Variants in SIRPA observed in about 807,000 individuals in gnomAD.
The protein encoded by SIRPA is signal regulatory protein alpha.
SIRPA carries 9 observed loss-of-function variants against 50.3 expected under a neutral mutation model. That is an observed-to-expected ratio of 0.18 (90% CI 0.11 to 0.31). The LOEUF (loss-of-function observed/expected upper bound fraction) is 0.31, where lower values mean the gene tolerates loss of function less well. Among genes scored for constraint, SIRPA ranks in the 10% least tolerant of loss-of-function variants. The probability of loss-of-function intolerance (pLI) is 1.00; values close to 1 mark genes in which losing one functional copy is unlikely to be tolerated. For synonymous variants in SIRPA, 265 were observed against 284.1 expected (o/e 0.93, Z 0.68); for missense variants, 474 against 661.6 (o/e 0.72, Z 3.11).
At chr20:1,895,901 G>A (rs972744228) in intron 1 of SIRPA, among the ~76,000 whole-genome samples, 2 of 152,226 alleles carry the variant, frequency 1.3e-5, no homozygotes, top group Non-Finnish European at 2.9e-5. Context: ...TGTCCCCATG[G>A]ACATACGACT....
rs1303293077 is a variant in SIRPA, at chr20:1,933,971, T to G, written c.1227-744T>G. On this transcript the variant is annotated intron_variant, in intron 6 of 7. Coordinates refer to ENST00000358771, the MANE Select transcript of SIRPA (RefSeq NM_001040023.2). This position sits in a 1 kb window ranked among gnomAD's most constrained non-coding sequence, Gnocchi z 4.4. ...ATAGATGTTTATAATACAGAACATT[T>G]GGAGAATATGGGAAACTAAAAAGGA... Among the ~76,000 whole-genome samples, 1 of 152,172 alleles carries G rather than the reference T, an allele frequency of 6.6e-6. No homozygotes were observed. Among genetic ancestry groups the G allele is most frequent in the African/African-American group, 2.4e-5 (1 of 41,426 alleles).
In SIRPA at chr20:1,933,836, C is replaced by T. The variant is rs1194833185; in HGVS notation, c.1227-879C>T. Reference sequence around the variant, plus strand: ...TTTGCTCATCACCTTGACCGTGACCCTCCAGTGAGTCAAGTCATGACCTCC... The same window carrying T: ...TTTGCTCATCACCTTGACCGTGACCTTCCAGTGAGTCAAGTCATGACCTCC... On this transcript the variant is annotated intron_variant, in intron 6 of 7. Transcript: ENST00000358771. The surrounding 1 kb of genome is among the most constrained non-coding windows in gnomAD (Gnocchi z 4.4). 6.6e-6 allele frequency among the ~76,000 whole-genome samples: 1 copy of T among 152,254 alleles called. No individual in the cohort carries two copies. The highest frequency in any genetic ancestry group is 1.5e-5 in the Non-Finnish European group (1 of 68,046).
At chr20:1,902,934 C>A (rs1984309871) in intron 1 of SIRPA, among the ~76,000 whole-genome samples, 2 of 147,524 alleles carry the variant, frequency 1.4e-5, no homozygotes, top group Non-Finnish European at 3.0e-5. Flanking sequence ...ATCGCTTGAC[C>A]CCAGGAGGCA....
chr20:1,908,599 C>G (rs1376899789), intron 1 of SIRPA, among the ~76,000 whole-genome samples: 1 of 152,162 alleles, frequency 6.6e-6, no homozygotes, highest in African/African-American at 2.4e-5. Context: ...TTGTGCCCAC[C>G]CATGTGTACA....
chr20:1,905,172 G>A (rs781051374), intron 1 of SIRPA, among the ~76,000 whole-genome samples: 16 of 152,318 alleles, frequency 1.1e-4, no homozygotes, highest in Non-Finnish European at 1.6e-4. Flanking sequence ...GTCTGCTGCC[G>A]GCAGTGTGCT....
At chr20:1,900,372 AGCCACC>A (rs1984114859) in intron 1 of SIRPA, among the ~76,000 whole-genome samples, 1 of 152,076 alleles carries the variant, frequency 6.6e-6, no homozygotes, top group Non-Finnish European at 1.5e-5. Context: ...TTACAGGCTG[AGCCACC>A]GCACCACCCA....
intron 2 of SIRPA, among the ~76,000 whole-genome samples, chr20:1,916,162 G>T (rs1049479942): frequency 6.6e-6 from 1 of 152,214 alleles, no homozygotes; most frequent in African/African-American, 2.4e-5. Context: ...TCACCCCAGG[G>T]AGGAGGTCTC....
rs1453844142 is a variant in SIRPA at position 1,939,231 on chromosome 20, T to C, written c.*1663T>C. The C allele has an allele frequency of 6.6e-6, 1 of 152,234 alleles. No homozygotes were observed. The highest frequency in any genetic ancestry group is 1.5e-5 in the Non-Finnish European group (1 of 68,040). The allele number at this position is 152,234 out of a possible 1,614,324, so 9.4% of individuals were successfully genotyped here. A position where few individuals can be genotyped will look rare whatever the true frequency, so the allele number is the denominator to read the frequency against. ...CGCTAATGTTCATGACTCCTGGCCT[T>C]GGGATGCCCAAGGGATTTCTGGCTC... On this transcript the variant is annotated 3_prime_UTR_variant, in exon 8 of 8. Transcript: ENST00000358771. The surrounding 1 kb of genome is among the most constrained non-coding windows in gnomAD (Gnocchi z 4.7).
chr20:1,899,205 TAA>T (rs750144272), intron 1 of SIRPA, among the ~76,000 whole-genome samples: 3 of 141,668 alleles, frequency 2.1e-5, no homozygotes, highest in African/African-American at 5.2e-5. Context: ...AAGTTTTCTT[TAA>T]AAAAAAAAAA....
At chr20:1,935,047 G>A (rs1244498607) in intron 7 of SIRPA, among the ~76,000 whole-genome samples, 3 of 152,174 alleles carry the variant, frequency 2.0e-5, no homozygotes, top group Non-Finnish European at 2.9e-5. Flanking sequence ...AGCTCCCTTA[G>A]TGTGGATCGT....
intron 1 of SIRPA, among the ~76,000 whole-genome samples, chr20:1,899,828 A>T (rs1182936735): frequency 6.6e-6 from 1 of 152,238 alleles, no homozygotes; most frequent in African/African-American, 2.4e-5. Flanking sequence ...GAGGAATGGT[A>T]TTAACCACTC....
Position 1,922,452 on chromosome 20 carries a change from G to T in SIRPA, c.894G>T (p.Thr298=), listed in dbSNP as rs752484046. 6.2e-7 allele frequency: 1 copy of T among 1,614,228 alleles called. No homozygotes were observed. Among genetic ancestry groups the T allele is most frequent in the Non-Finnish European group, 8.5e-7 (1 of 1,180,050 alleles). ...ATGGAAACGTGTCCCGGACAGAAAC[G>T]GCCTCAACCGTTACAGAGAACAAGG... The part of the protein sequence containing the change: ...LENGNVSRTE[T]ASTVTENKDG... The change falls in exon 4 of 8, where the codon ACG becomes ACT. Residue 298 remains threonine (T), a synonymous_variant. Coordinates refer to ENST00000358771, the MANE Select transcript of SIRPA (RefSeq NM_001040023.2).
chr20:1,920,946 A>C (rs1038835120), intron 2 of SIRPA, among the ~76,000 whole-genome samples: 2 of 152,228 alleles, frequency 1.3e-5, no homozygotes, highest in Admixed American at 6.5e-5. Context: ...TCATGGGCTG[A>C]GCGGCCTGGT....
In SIRPA at chr20:1,927,819, A is replaced by T; in HGVS notation, c.1202-56A>T. ...AAACCTTTTGCCAAAAAATAGTTAC[A>T]TAAGAAAAGTGTGCTTCTAGTTAAA... On this transcript the variant is annotated intron_variant, in intron 5 of 7. Coordinates refer to ENST00000358771, the MANE Select transcript of SIRPA (RefSeq NM_001040023.2). This position sits in a 1 kb window ranked among gnomAD's most constrained non-coding sequence, Gnocchi z 6.5. 6.4e-7 allele frequency: 1 copy of T among 1,568,878 alleles called. No individual in the cohort carries two copies. Among genetic ancestry groups the T allele is most frequent in the South Asian group, 1.1e-5 (1 of 90,130 alleles).
chr20:1,910,622 C>T (rs749425937), intron 1 of SIRPA, among the ~76,000 whole-genome samples: 1 of 152,184 alleles, frequency 6.6e-6, no homozygotes, highest in Non-Finnish European at 1.5e-5. Context: ...GACTAAATCC[C>T]TGGAGGAGAG....
chr20:1,906,914 G>A (rs1429678083), intron 1 of SIRPA, among the ~76,000 whole-genome samples: 1 of 152,182 alleles, frequency 6.6e-6, no homozygotes, highest in Non-Finnish European at 1.5e-5. Flanking sequence ...CTCATTCTGA[G>A]TCCAGCACTT....
intron 1 of SIRPA, among the ~76,000 whole-genome samples, chr20:1,911,527 T>C (rs1399893940): frequency 2.6e-5 from 4 of 152,218 alleles, no homozygotes; most frequent in African/African-American, 7.2e-5. Flanking sequence ...TAATTCCACA[T>C]AGGGGATAGG....
At chr20:1,908,753 G>A (rs1004748070) in intron 1 of SIRPA, among the ~76,000 whole-genome samples, 1 of 152,158 alleles carries the variant, frequency 6.6e-6, no homozygotes, top group East Asian at 1.9e-4. Flanking sequence ...GTGTGCATCC[G>A]CTTTAATGTA....
intron 2 of SIRPA, among the ~76,000 whole-genome samples, chr20:1,917,114 C>T (rs537242511): frequency 1.3e-5 from 2 of 152,286 alleles, no homozygotes; most frequent in East Asian, 3.9e-4. Context: ...TGCTGTCAGC[C>T]TAAATGATGC....
Sources: gnomAD v4.1 joint callset for allele counts (sites outside exome capture counted in the v4.1 genomes callset) on GRCh38, gnomAD v4.1.1 for gene constraint, Gnocchi (gnomAD v3.1) non-coding constraint, MANE v1.5 for transcripts, NCBI Gene and HGNC (gene_info 2026-07-23, HGNC 2026-07-21) for gene names.